ANKRD44: variants seen among roughly 807,000 people sequenced by gnomAD.
ANKRD44 encodes serine/threonine-protein phosphatase 6 regulatory ankyrin repeat subunit B.
In ANKRD44, 35 loss-of-function variants were observed where a neutral mutation model predicts 116.0. That is an observed-to-expected ratio of 0.30 (90% CI 0.23 to 0.40). The LOEUF (loss-of-function observed/expected upper bound fraction) is 0.40. Ranked by LOEUF, ANKRD44 falls within the 10% of genes least tolerant of loss-of-function variation. The probability of loss-of-function intolerance (pLI) is 1.00; values close to 1 mark genes in which losing one functional copy is unlikely to be tolerated. For synonymous variants in ANKRD44, 435 were observed against 461.8 expected (o/e 0.94, Z 0.74); for missense variants, 1,014 against 1,242.6 (o/e 0.82, Z 2.77).
intron 1 of ANKRD44, 134 bp downstream of exon 1, chr2:197,310,444 G>T: frequency 3.8e-6 from 2 of 526,658 alleles, no homozygotes; most frequent in Non-Finnish European, 4.8e-6. Context: ...AGGCACCGGC[G>T]GCCGCACACA....
At chr2:197,286,379 T>C (rs74859786) in intron 1 of ANKRD44, among the ~76,000 whole-genome samples, 12 of 88,004 alleles carry the variant, frequency 1.4e-4, no homozygotes, top group Admixed American at 6.1e-4. Flanking sequence ...CTTTTTTTTT[T>C]CTTTTTTTTT....
chr2:197,010,917 AC>A (rs2076287809), intron 18 of ANKRD44, among the ~76,000 whole-genome samples: 1 of 152,232 alleles, frequency 6.6e-6, no homozygotes, highest in South Asian at 2.1e-4. Context: ...CAGGGACAAT[AC>A]ATACATACTG....
intron 1 of ANKRD44, among the ~76,000 whole-genome samples, chr2:197,206,392 T>C (rs1245096688): frequency 6.6e-6 from 1 of 152,114 alleles, no homozygotes; most frequent in Non-Finnish European, 1.5e-5. Flanking sequence ...ATTTCAAAAG[T>C]ATTAAATAAG....
chr2:197,124,045 C>T (rs1263863311), intron 6 of ANKRD44, among the ~76,000 whole-genome samples: 1 of 152,148 alleles, frequency 6.6e-6, no homozygotes, highest in Admixed American at 6.6e-5. Context: ...TGAGTCCTAT[C>T]CACACTAGCT....
rs1235794052 is a variant in ANKRD44, at chr2:196,987,757, T to A, written c.*1834A>T. The A allele has an allele frequency of 1.0e-6, 1 of 985,262 alleles. No homozygotes were observed. Among genetic ancestry groups the A allele is most frequent in the African/African-American group, 1.7e-5 (1 of 57,226 alleles). 61.0% of individuals were successfully genotyped at this position (985,262 alleles called of 1,614,324 possible). A position where few individuals can be genotyped will look rare whatever the true frequency, so the allele number is the denominator to read the frequency against. ...GCAAATAAGTAAGTGCAATGAAACA[T>A]GATCCTTGTAGTTGTGGTTAAAATA... is the stretch of plus-strand genomic sequence containing the variant. On this transcript the variant is annotated 3_prime_UTR_variant, in exon 28 of 28. Coordinates refer to ENST00000282272, the MANE Select transcript of ANKRD44 (RefSeq NM_001195144.2).
rs372829685 is a variant in ANKRD44, at chr2:197,276,263, G to A, written c.27+34315C>T. Among the ~76,000 whole-genome samples the A allele has an allele frequency of 2.2e-4, 19 of 85,980 alleles. No individual in the cohort carries two copies. The East Asian group carries it at 4.2e-3, about 19-fold the overall frequency. The allele number at this position is 85,980 out of a possible 152,430, so 56.4% of individuals were successfully genotyped here. ...GCACTCCAGCATGAGCAAAAAGAGC[G>A]AAACTTGGTCTCAAAAAAAAAAAAA... On this transcript the variant is annotated intron_variant, in intron 1 of 27. Transcript: ENST00000282272.
chr2:197,019,851 C>T (rs1008855271), intron 17 of ANKRD44, among the ~76,000 whole-genome samples: 11 of 150,936 alleles, frequency 7.3e-5, no homozygotes, highest in African/African-American at 2.7e-4. Flanking sequence ...GGCTGGAGTG[C>T]AGTGGTGCCA....
chr2:197,307,588 T>C (rs1448870506), intron 1 of ANKRD44, among the ~76,000 whole-genome samples: 1 of 150,858 alleles, frequency 6.6e-6, no homozygotes, highest in Non-Finnish European at 1.5e-5. Context: ...TACACTGGTC[T>C]CTCCCTTTTT....
In ANKRD44 at chr2:197,041,201, G is replaced by A. The variant is rs946006095; in HGVS notation, c.1651-15934C>T. Among the ~76,000 whole-genome samples, 4 of 152,172 alleles carry A rather than the reference G, an allele frequency of 2.6e-5. No individual in the cohort carries two copies. The East Asian group carries it at 5.8e-4, about 22-fold the overall frequency. ...TAGACAGAGCTATGATGTCCCAAGA[G>A]CAGAAAATCCATCCCACTGGATTTC... On this transcript the variant is annotated intron_variant, in intron 16 of 27. Coordinates refer to ENST00000282272, the MANE Select transcript of ANKRD44 (RefSeq NM_001195144.2).
At chr2:197,099,149 C>T (rs1418415170) in intron 10 of ANKRD44, among the ~76,000 whole-genome samples, 1 of 152,094 alleles carries the variant, frequency 6.6e-6, no homozygotes, top group Admixed American at 6.6e-5. Flanking sequence ...TGAGCTCTCT[C>T]CTCCCTGTCT....
At chr2:197,055,758 C>G (rs2125030778) in intron 16 of ANKRD44, among the ~76,000 whole-genome samples, 1 of 151,858 alleles carries the variant, frequency 6.6e-6, no homozygotes, top group East Asian at 1.9e-4. Flanking sequence ...ATCCATTTTT[C>G]AACTCCCTAT....
chr2:196,979,382 CAAAAAAAAAA>C (rs778459937), intron 21 of ANKRD44, among the ~76,000 whole-genome samples: 1 of 40,572 alleles, frequency 2.5e-5, no homozygotes, highest in African/African-American at 8.2e-5. Context: ...GACTCCGTCT[CAAAAAAAAAA>C]AAAAAAAAAA....
chr2:197,089,564 T>C (rs2077997101), intron 11 of ANKRD44, among the ~76,000 whole-genome samples: 1 of 152,240 alleles, frequency 6.6e-6, no homozygotes, highest in African/African-American at 2.4e-5. Context: ...CCACCAGATG[T>C]AGGGTATTTG....
chr2:197,032,782 G>A (rs1040848870), intron 16 of ANKRD44, among the ~76,000 whole-genome samples: 3 of 152,164 alleles, frequency 2.0e-5, no homozygotes, highest in Non-Finnish European at 4.4e-5. Context: ...CCCCTAAATA[G>A]AGCTTAGAGA....
intron 1 of ANKRD44, among the ~76,000 whole-genome samples, chr2:197,217,241 A>G (rs1468597645): frequency 6.6e-6 from 1 of 152,206 alleles, no homozygotes; most frequent in Non-Finnish European, 1.5e-5. Context: ...CATCAAAACC[A>G]GTAAAGAAGC....
chr2:197,125,401 A>G lies in ANKRD44; in HGVS notation c.530T>C (p.Leu177Pro), dbSNP rs1317522029. The G allele has an allele frequency of 1.2e-6, 2 of 1,614,110 alleles. No homozygotes were observed. The highest frequency in any genetic ancestry group is 1.7e-6 in the Non-Finnish European group (2 of 1,180,030). Residue 177 changes from leucine (L) to proline (P), a missense_variant, in exon 6 of 28, where the codon CTG becomes CCG. Transcript: ENST00000282272. ...CTTACCCATGTATGCTGCCCAGTGCAGAGCACGCCGGTCCTTCTTGTCAAA... is the reference window on the plus strand; with the variant it reads ...CTTACCCATGTATGCTGCCCAGTGCGGAGCACGCCGGTCCTTCTTGTCAAA... ...NAFDKKDRRA[L>P]HWAAYMGHLD...
At chr2:197,002,384 T>G (rs1306458380) in intron 21 of ANKRD44, among the ~76,000 whole-genome samples, 2 of 152,202 alleles carry the variant, frequency 1.3e-5, no homozygotes, top group Non-Finnish European at 2.9e-5. Context: ...TTCAAATAAG[T>G]AGATGAATGA....
intron 1 of ANKRD44, among the ~76,000 whole-genome samples, chr2:197,270,254 G>A (rs1439164971): frequency 1.3e-5 from 2 of 152,114 alleles, no homozygotes; most frequent in Non-Finnish European, 2.9e-5. Flanking sequence ...TTAAGGCCTT[G>A]CACATGCCAC....
chr2:197,108,677 T>C (rs2078492009), intron 9 of ANKRD44, among the ~76,000 whole-genome samples: 1 of 151,970 alleles, frequency 6.6e-6, no homozygotes, highest in African/African-American at 2.4e-5. Context: ...CCATCTCTAG[T>C]AAAAATACAA....
Sources: allele counts gnomAD v4.1 joint callset (sites outside exome capture counted in the v4.1 genomes callset), GRCh38; gene constraint gnomAD v4.1.1; transcripts MANE v1.5; gene names NCBI Gene and HGNC (gene_info 2026-07-23, HGNC 2026-07-21).